The following TENM2 variants were observed in gnomAD, a reference collection of about 807,000 sequenced individuals.
The protein encoded by TENM2 is teneurin transmembrane protein 2, also known as teneurin-2.
In TENM2, 52 loss-of-function variants were observed where a neutral mutation model predicts 245.2. The observed-to-expected ratio is 0.21, with a 90% CI of 0.17 to 0.27. The LOEUF (loss-of-function observed/expected upper bound fraction) is 0.27. Among genes scored for constraint, TENM2 ranks in the 10% least tolerant of loss-of-function variants. The pLI is 1.00. For missense variants in TENM2, 3,046 were observed against 3,666.8 expected (o/e 0.83, Z 4.37); for synonymous variants, 1,363 against 1,438.9 (o/e 0.95, Z 1.19).
At chr5:168,259,994 G>A (rs1054484030) in intron 27 of TENM2, among the ~76,000 whole-genome samples, 10 of 152,198 alleles carry the variant, frequency 6.6e-5, no homozygotes, top group Non-Finnish European at 1.3e-4. Context: ...GCTGGGACTT[G>A]CCCAAGGTCA....
In TENM2 at chr5:167,533,964, C is replaced by A. The variant is rs563430406; in HGVS notation, c.502+158491C>A. 1.1e-3 allele frequency among the ~76,000 whole-genome samples: 167 copies of A among 152,252 alleles called. 1 individual carries two copies. In the South Asian group the frequency reaches 0.014, roughly 13 times the overall value. On this transcript the variant is annotated intron_variant, in intron 2 of 28. Transcript: ENST00000518659. ...TGTGGTTTGTAGACAAGCTATTGAA[C>A]CTCTCAGAGGCTTGAAGAAGCAACA...
chr5:167,731,145 C>T, intron 2 of TENM2, among the ~76,000 whole-genome samples: 1 of 151,266 alleles, frequency 6.6e-6, no homozygotes, highest in East Asian at 1.9e-4. Context: ...TATATTAAAA[C>T]ACCAGATAAA....
At chr5:167,808,112 T>C (rs902162529) in intron 2 of TENM2, among the ~76,000 whole-genome samples, 1 of 152,196 alleles carries the variant, frequency 6.6e-6, no homozygotes, top group Non-Finnish European at 1.5e-5. Flanking sequence ...GAGAAATATG[T>C]GTTCAAACCA....
At chr5:167,461,995 G>A (rs1432588968) in intron 2 of TENM2, among the ~76,000 whole-genome samples, 1 of 152,048 alleles carries the variant, frequency 6.6e-6, no homozygotes, top group African/African-American at 2.4e-5. Context: ...GGAATAAATC[G>A]CATCACTCAA....
Position 168,090,781 on chromosome 5 carries a change from GT to G in TENM2, c.1711+13del, listed in dbSNP as rs951574565. The G allele has an allele frequency of 1.6e-5, 26 of 1,608,800 alleles. No individual in the cohort carries two copies. Among genetic ancestry groups the G allele is most frequent in the African/African-American group, 2.7e-5 (2 of 74,798 alleles). On this transcript the variant is annotated intron_variant, in intron 8 of 28. Coordinates refer to ENST00000518659, the Ensembl canonical transcript of TENM2. Reference sequence around the variant, plus strand: ...TACTGTTGTCCTAGGTAGGTGTGGGGTCTCTGAGATGGTACGCCATGAAGGG... The same window carrying G: ...TACTGTTGTCCTAGGTAGGTGTGGGGCTCTGAGATGGTACGCCATGAAGGG...
chr5:167,326,412 C>T (rs938946922), intron 1 of TENM2, among the ~76,000 whole-genome samples: 13 of 152,070 alleles, frequency 8.5e-5, no homozygotes, highest in African/African-American at 2.2e-4. Flanking sequence ...TGGTGGCTCA[C>T]GCCTGTAAGC....
chr5:168,228,957 GTATACATAA>G lies in TENM2; in HGVS notation c.5520+836_5520+844del, dbSNP rs1003263001. ...TAATGTATAATTATATACATTATAT[GTATACATAA>G]TATACATATACGTATACATAATATA... On this transcript the variant is annotated intron_variant, in intron 25 of 28. Transcript: ENST00000518659. Among the ~76,000 whole-genome samples the G allele has an allele frequency of 2.1e-5, 3 of 145,354 alleles. No individual in the cohort carries two copies. The Admixed American group carries it at 2.1e-4, about 10-fold the overall frequency.
At chr5:167,224,655 T>A in the TENM2 span, among the ~76,000 whole-genome samples, 1 of 152,084 alleles carries the variant, frequency 6.6e-6, no homozygotes, top group Admixed American at 6.5e-5. Flanking sequence ...TACTCAGGAT[T>A]ACTTTGGCTA....
chr5:167,675,567 G>A (rs1184853443), intron 2 of TENM2, among the ~76,000 whole-genome samples: 2 of 152,064 alleles, frequency 1.3e-5, no homozygotes. Context: ...ACTATTTACA[G>A]AAACTTTGGA....
At chr5:167,224,670 G>T in the TENM2 span, among the ~76,000 whole-genome samples, 1 of 151,648 alleles carries the variant, frequency 6.6e-6, no homozygotes, top group East Asian at 1.9e-4. Context: ...TGGCTATTCT[G>T]GCTATTTATT....
intron 2 of TENM2, among the ~76,000 whole-genome samples, chr5:167,780,750 A>G (rs1764134462): frequency 6.6e-6 from 1 of 152,208 alleles, no homozygotes; most frequent in Non-Finnish European, 1.5e-5. Flanking sequence ...TGTTGTGCCC[A>G]GAGACTCACA....
chr5:167,869,612 G>C (rs1772635845), intron 2 of TENM2, among the ~76,000 whole-genome samples: 1 of 152,342 alleles, frequency 6.6e-6, no homozygotes, highest in African/African-American at 2.4e-5. Context: ...TGGAGACAGA[G>C]AGTCTAGCTG....
intron 2 of TENM2, among the ~76,000 whole-genome samples, chr5:167,394,408 T>C (rs1238088373): frequency 6.6e-6 from 1 of 152,148 alleles, no homozygotes; most frequent in African/African-American, 2.4e-5. Flanking sequence ...CTTGGATCCT[T>C]GTTGAAGATC....
chr5:167,892,151 A>G (rs1774811607), intron 3 of TENM2, among the ~76,000 whole-genome samples: 1 of 152,242 alleles, frequency 6.6e-6, no homozygotes, highest in East Asian at 1.9e-4. Context: ...TGAGAAGAAA[A>G]GAGAAGTGCT....
At chr5:167,715,755 C>G (rs1262693621) in intron 2 of TENM2, among the ~76,000 whole-genome samples, 1 of 152,126 alleles carries the variant, frequency 6.6e-6, no homozygotes, top group Admixed American at 6.6e-5. Context: ...GTGGTGGGTT[C>G]AAAACTTGCC....
intron 4 of TENM2, among the ~76,000 whole-genome samples, chr5:167,967,305 A>G (rs1264669735): frequency 1.3e-5 from 2 of 152,220 alleles, no homozygotes; most frequent in African/African-American, 4.8e-5. Flanking sequence ...AGCCTAGTCT[A>G]ATCCACTGCT....
intron 2 of TENM2, among the ~76,000 whole-genome samples, chr5:167,380,417 C>T (rs989858048): frequency 1.3e-5 from 2 of 152,090 alleles, no homozygotes; most frequent in Non-Finnish European, 2.9e-5. Flanking sequence ...GCAAATTAAG[C>T]AATTCTTACG....
chr5:167,089,667 G>A, the TENM2 span, among the ~76,000 whole-genome samples: 5 of 152,132 alleles, frequency 3.3e-5, no homozygotes, highest in Admixed American at 2.0e-4. Flanking sequence ...GGATGTGTAT[G>A]CCAAAGATAT....
chr5:167,097,949 G>A, the TENM2 span, among the ~76,000 whole-genome samples: 13 of 151,992 alleles, frequency 8.6e-5, no homozygotes, highest in Non-Finnish European at 1.5e-5. Context: ...CTGGTATTGT[G>A]GTTACAGTGA....
Sources: gnomAD v4.1 joint callset for allele counts (sites outside exome capture counted in the v4.1 genomes callset) on GRCh38, gnomAD v4.1.1 for gene constraint, MANE v1.5 for transcripts, NCBI Gene and HGNC (gene_info 2026-07-23, HGNC 2026-07-21) for gene names.